Variants in DOCK6 observed in about 807,000 individuals in gnomAD.
The protein encoded by DOCK6 is dedicator of cytokinesis 6, also known as dedicator of cytokinesis protein 6.
A neutral mutation model predicts 230.3 loss-of-function variants in DOCK6; 167 were observed. The observed-to-expected ratio is 0.73, with a 90% CI of 0.64 to 0.82. The LOEUF (loss-of-function observed/expected upper bound fraction) is 0.82. Ranked by LOEUF, DOCK6 falls within the 40% of genes least tolerant of loss-of-function variation. The pLI, the probability that DOCK6 is intolerant of heterozygous loss-of-function variation, is 0.00. For missense variants in DOCK6, 2,598 were observed against 2,825.8 expected (o/e 0.92, Z 1.83); for synonymous variants, 1,148 against 1,185.0 (o/e 0.97, Z 0.64).
At position 11,222,853 on chromosome 19, in the gene DOCK6, C is replaced by T. The variant is rs764151265; in HGVS notation, c.3122G>A (p.Arg1041His). Residue 1041 changes from arginine to histidine, a missense_variant, in exon 26 of 48, where the codon CGC (arginine) becomes CAC (histidine). Arg to His is a conservative substitution (Grantham distance 29, BLOSUM62 0). Coordinates refer to ENST00000294618, the MANE Select transcript of DOCK6 (RefSeq NM_020812.4). The surrounding 1 kb of genome is among the most constrained non-coding windows in gnomAD (Gnocchi z 4.0). ...GCACAGGATGCGGGTGAATTCCATG[C>T]GCAGGGTCAGCAGGGCTGCTGGATT... ...SPNPAALLTL[R>H]MEFTRILCSH... 20 of 1,603,476 alleles carry T rather than the reference C, an allele frequency of 1.2e-5. No individual in the cohort carries two copies. The highest frequency in any genetic ancestry group is 4.5e-5 in the East Asian group (2 of 44,444).
At chr19:11,216,010 C>T (rs1454569804) in intron 30 of DOCK6, 83 bp from the exon 31 acceptor site, 1 of 1,560,618 alleles carries the variant, frequency 6.4e-7, no homozygotes, top group Non-Finnish European at 8.8e-7. Context: ...TTTCTTTGTG[C>T]TCTTTCTCAC....
chr19:11,202,231 C>G lies in DOCK6; in HGVS notation c.5452-106G>C. On this transcript the variant is annotated intron_variant, in intron 43 of 47. Coordinates refer to ENST00000294618, the MANE Select transcript of DOCK6 (RefSeq NM_020812.4). This position sits in a 1 kb window ranked among gnomAD's most constrained non-coding sequence, Gnocchi z 5.3. ...GGGACTTTGTCATTTCCAAGTCTTC[C>G]TATGTCTGGATGTTTGGGAATCCCC... 1 of 1,406,936 alleles carries G rather than the reference C, an allele frequency of 7.1e-7. No individual in the cohort carries two copies. The highest frequency in any genetic ancestry group is 9.8e-7 in the Non-Finnish European group (1 of 1,018,748). The allele number at this position is 1,406,936 out of a possible 1,614,324, so 87.2% of individuals were successfully genotyped here.
chr19:11,253,249 A>G (rs1467171792), intron 2 of DOCK6, among the ~76,000 whole-genome samples: 2 of 152,152 alleles, frequency 1.3e-5, no homozygotes, highest in African/African-American at 4.8e-5. Context: ...GACAGAGGCC[A>G]GGCAAGAGAC....
At position 11,222,601 on chromosome 19, in the gene DOCK6, G is replaced by T. The variant is rs2079597351; in HGVS notation, c.3240+134C>A. 9.4e-7 allele frequency: 1 copy of T among 1,062,978 alleles called. No homozygotes were observed. Among genetic ancestry groups the T allele is most frequent in the Non-Finnish European group, 1.3e-6 (1 of 754,704 alleles). The allele number at this position is 1,062,978 out of a possible 1,614,324, so 65.8% of individuals were successfully genotyped here. On this transcript the variant is annotated intron_variant, in intron 26 of 47. Transcript: ENST00000294618. This position sits in a 1 kb window ranked among gnomAD's most constrained non-coding sequence, Gnocchi z 4.0. ...AGAGGTGAAGGGTCAGAAGTCAAAA[G>T]TCAAACATAAGGGATTAGTTCACCT...
rs752084449 is a variant in DOCK6, at chr19:11,239,852, G to A, written c.1644-1548C>T. The A allele has an allele frequency of 3.1e-5, 50 of 1,598,756 alleles. No homozygotes were observed. The highest frequency in any genetic ancestry group is 3.5e-5 in the Admixed American group (2 of 56,924). On this transcript the variant is annotated intron_variant, in intron 14 of 47. Transcript: ENST00000294618. ...AGGAACAGCCTGGGTCTCTATGGCC[G>A]CACAATAGAACTCCTGGGGCAGGAG...
In DOCK6 at chr19:11,212,995, C is replaced by T. The variant is rs112685241; in HGVS notation, c.4491+181G>A. Among the ~76,000 whole-genome samples the T allele has an allele frequency of 0.15, 23,343 of 151,358 alleles. 3,102 individuals carry two copies. The highest frequency in any genetic ancestry group is 0.37 in the African/African-American group (15,037 of 41,110). On this transcript the variant is annotated intron_variant, in intron 35 of 47. Transcript: ENST00000294618. ...AAGTGATCCTCTCACCTCAGCCTCC[C>T]AAAGTGCTGGGATTACAGGAATGAG...
chr19:11,247,975 G>A (rs1052666411), intron 7 of DOCK6, 91 bp downstream of exon 7: 36 of 1,143,668 alleles, frequency 3.1e-5, no homozygotes, highest in African/African-American at 1.5e-4. Flanking sequence ...GGCCGCACAC[G>A]GTAATGGCAC....
intron 37 of DOCK6, among the ~76,000 whole-genome samples, chr19:11,211,279 A>G (rs1043708133): frequency 6.7e-6 from 1 of 150,088 alleles, no homozygotes; most frequent in South Asian, 2.1e-4. Context: ...CTATCCACCT[A>G]TCCCTCCCAT....
intron 21 of DOCK6, among the ~76,000 whole-genome samples, chr19:11,234,394 A>C (rs1454571412): frequency 1.3e-5 from 2 of 151,352 alleles, no homozygotes; most frequent in Non-Finnish European, 2.9e-5. Flanking sequence ...GCCGTGAGCC[A>C]CCATGCCTGG....
At chr19:11,256,106 G>A (rs768335403) in intron 1 of DOCK6, among the ~76,000 whole-genome samples, 27 of 152,148 alleles carry the variant, frequency 1.8e-4, no homozygotes, top group Non-Finnish European at 3.4e-4. Context: ...GCTCTTAACA[G>A]TCTTGGAGTC....
At chr19:11,255,931 C>G (rs1307228629) in intron 1 of DOCK6, among the ~76,000 whole-genome samples, 1 of 152,082 alleles carries the variant, frequency 6.6e-6, no homozygotes, top group Non-Finnish European at 1.5e-5. Flanking sequence ...GGACTACAGG[C>G]GCCCACCACT....
chr19:11,225,761 TG>T (rs2079653938), intron 24 of DOCK6, among the ~76,000 whole-genome samples: 1 of 150,298 alleles, frequency 6.7e-6, no homozygotes, highest in African/African-American at 2.5e-5. Context: ...TGGCCAGGCA[TG>T]GTTCACGCTT....
At chr19:11,224,453 C>T (rs1304584086) in intron 24 of DOCK6, among the ~76,000 whole-genome samples, 3 of 151,960 alleles carry the variant, frequency 2.0e-5, no homozygotes, top group Non-Finnish European at 4.4e-5. Context: ...TCAGGTGATC[C>T]GCCCTCCTCG....
chr19:11,227,832 G>A (rs972088151), intron 23 of DOCK6, among the ~76,000 whole-genome samples: 1 of 151,594 alleles, frequency 6.6e-6, no homozygotes, highest in Non-Finnish European at 1.5e-5. Context: ...GGGCTTATGC[G>A]GGTCTCCCCA....
At chr19:11,204,138 TGAGGA>T in intron 40 of DOCK6, 43 bp from the exon 41 acceptor site, 1 of 286,794 alleles carries the variant, frequency 3.5e-6, no homozygotes, top group Non-Finnish European at 5.0e-6. Flanking sequence ...TCCCTGGGGA[TGAGGA>T]GTGGGGATGA....
At chr19:11,245,959 T>TG (rs952561479) in intron 7 of DOCK6, 81 bp from the exon 8 acceptor site, 3 of 1,502,046 alleles carry the variant, frequency 2.0e-6, no homozygotes, top group African/African-American at 2.8e-5. Context: ...AGGCCCAAGG[T>TG]GGGGGGCATC....
intron 14 of DOCK6, chr19:11,239,557 C>T (rs1453469984): frequency 9.7e-6 from 15 of 1,542,192 alleles, no homozygotes; most frequent in South Asian, 2.3e-5. Context: ...GGCCAGTTAA[C>T]GATTGACTGG....
chr19:11,238,160 C>T (rs1389937264), intron 15 of DOCK6, 27 bp downstream of exon 15: 1 of 1,613,766 alleles, frequency 6.2e-7, no homozygotes, highest in Non-Finnish European at 8.5e-7. Flanking sequence ...ATGCCCTACC[C>T]CCCTTCCCTG....
rs1464312656 is a variant in DOCK6 at position 11,243,539 on chromosome 19, T to C, written c.1258+18A>G. 2 of 1,583,936 alleles carry C rather than the reference T, an allele frequency of 1.3e-6. No homozygotes were observed. Among genetic ancestry groups the C allele is most frequent in the East Asian group, 2.3e-5 (1 of 43,062 alleles). On this transcript the variant is annotated intron_variant, in intron 11 of 47. Transcript: ENST00000294618. The surrounding 1 kb of genome is among the most constrained non-coding windows in gnomAD (Gnocchi z 6.3). ...ACCCTTTAGCCCCGCCCCAAGCCTG[T>C]TAGCCCCGCCTCCTCACCGCCCTCC...
Sources: gnomAD v4.1 joint callset for allele counts (sites outside exome capture counted in the v4.1 genomes callset) on GRCh38, gnomAD v4.1.1 for gene constraint, Gnocchi (gnomAD v3.1) non-coding constraint, MANE v1.5 for transcripts, NCBI Gene and HGNC (gene_info 2026-07-23, HGNC 2026-07-21) for gene names.